Variants in MAST4 observed in about 807,000 individuals in gnomAD.
MAST4 encodes microtubule associated serine/threonine kinase family member 4.
Under a neutral mutation model 162.7 loss-of-function variants are expected in MAST4, and 89 were observed. The ratio of observed to expected loss-of-function variants is 0.55; its 90% CI spans 0.46 to 0.65. The LOEUF is 0.65. Among genes scored for constraint, MAST4 ranks in the 30% least tolerant of loss-of-function variants. The pLI is 0.00. For synonymous variants in MAST4, 1,479 were observed against 1,361.1 expected (o/e 1.09, Z -1.91); for missense variants, 3,153 against 3,374.0 (o/e 0.93, Z 1.62).
intron 1 of MAST4, among the ~76,000 whole-genome samples, chr5:66,651,711 T>A (rs1746231972): frequency 6.6e-6 from 1 of 152,158 alleles, no homozygotes; most frequent in African/African-American, 2.4e-5. Context: ...TGGCCTCAAC[T>A]CTTTCACAGC....
At chr5:66,947,037 G>T (rs1744111472) in intron 4 of MAST4, among the ~76,000 whole-genome samples, 1 of 152,130 alleles carries the variant, frequency 6.6e-6, no homozygotes, top group African/African-American at 2.4e-5. Context: ...GCTTGATTAT[G>T]GTCCAGTATT....
chr5:66,951,246 A>G (rs1055451390), intron 4 of MAST4, among the ~76,000 whole-genome samples: 1 of 152,226 alleles, frequency 6.6e-6, no homozygotes, highest in African/African-American at 2.4e-5. Flanking sequence ...TTGTAGCACA[A>G]GTGATGGAAT....
At chr5:67,076,790 A>T (rs1761703715) in intron 5 of MAST4, among the ~76,000 whole-genome samples, 1 of 152,222 alleles carries the variant, frequency 6.6e-6, no homozygotes, top group African/African-American at 2.4e-5. Context: ...TTCATGGTTC[A>T]TCATGACATA....
Position 67,095,592 on chromosome 5 carries a change from A to G in MAST4, c.834-5A>G. 1 of 1,605,672 alleles carries G rather than the reference A, an allele frequency of 6.2e-7. No individual in the cohort carries two copies. Among genetic ancestry groups the G allele is most frequent in the Non-Finnish European group, 8.5e-7 (1 of 1,175,794 alleles). On this transcript the variant is annotated splice_region_variant and splice_polypyrimidine_tract_variant and intron_variant, in intron 6 of 28. Coordinates refer to ENST00000403625, the MANE Select transcript of MAST4 (RefSeq NM_001164664.2). ...TGGCCTAAGCTAAACTCACTTTCTC[A>G]ATAGGACTGATGGACGCCGCTGGTC...
intron 1 of MAST4, among the ~76,000 whole-genome samples, chr5:66,737,327 C>T (rs955226083): frequency 6.6e-6 from 1 of 152,154 alleles, no homozygotes; most frequent in Non-Finnish European, 1.5e-5. Context: ...TGCTGAGTGT[C>T]CTTGTGTTGT....
intron 1 of MAST4, among the ~76,000 whole-genome samples, chr5:66,654,017 A>G (rs1330388115): frequency 6.6e-6 from 1 of 152,226 alleles, no homozygotes; most frequent in East Asian, 1.9e-4. Context: ...ACTGTACCAG[A>G]CATTCAGCCT....
intron 1 of MAST4, among the ~76,000 whole-genome samples, chr5:66,643,027 G>A (rs773819600): frequency 1.2e-4 from 18 of 152,118 alleles, no homozygotes; most frequent in African/African-American, 1.9e-4. Flanking sequence ...AACATGGACC[G>A]TTTAATTTCT....
intron 4 of MAST4, among the ~76,000 whole-genome samples, chr5:66,971,695 T>G (rs1175690025): frequency 6.6e-6 from 1 of 152,226 alleles, no homozygotes; most frequent in Non-Finnish European, 1.5e-5. Context: ...CAGTTATCTT[T>G]TTTTAGTAGA....
At chr5:66,689,675 A>G (rs1748911855) in intron 1 of MAST4, among the ~76,000 whole-genome samples, 1 of 152,066 alleles carries the variant, frequency 6.6e-6, no homozygotes, top group South Asian at 2.1e-4. Context: ...TACCTTTTAG[A>G]GTTTGTCTGT....
chr5:66,897,997 A>G (rs936291312), intron 3 of MAST4, among the ~76,000 whole-genome samples: 17 of 152,202 alleles, frequency 1.1e-4, no homozygotes, highest in African/African-American at 3.6e-4. Context: ...ATTTGCATAT[A>G]TAGTTGAAAT....
intron 5 of MAST4, among the ~76,000 whole-genome samples, chr5:67,061,952 C>T (rs1759663296): frequency 6.6e-6 from 1 of 152,138 alleles, no homozygotes; most frequent in African/African-American, 2.4e-5. Context: ...TTGACTGATA[C>T]ACACACCTTT....
intron 1 of MAST4, among the ~76,000 whole-genome samples, chr5:66,717,331 T>A (rs993936053): frequency 4.6e-5 from 7 of 152,240 alleles, no homozygotes; most frequent in African/African-American, 1.7e-4. Flanking sequence ...CTATGGTTTT[T>A]AAAACATTTC....
intron 1 of MAST4, among the ~76,000 whole-genome samples, chr5:66,711,118 T>C (rs1246067683): frequency 6.6e-6 from 1 of 152,240 alleles, no homozygotes; most frequent in Admixed American, 6.5e-5. Flanking sequence ...TCTTGCTTCA[T>C]CTACCAAATG....
At position 66,904,635 on chromosome 5, in the gene MAST4, T is replaced by G. The variant is rs1260031168; in HGVS notation, c.674+4653T>G. On this transcript the variant is annotated intron_variant, in intron 4 of 28. Transcript: ENST00000403625. ...AAGCAGTGAATGACACTTGGCAGTT[T>G]CTTAGCTTTAAGTTCTCTGGCCACA... Among the ~76,000 whole-genome samples, 9 of 152,248 alleles carry G rather than the reference T, an allele frequency of 5.9e-5. No individual in the cohort carries two copies. In the East Asian group the frequency reaches 1.5e-3, roughly 26 times the overall value.
At chr5:67,086,128 A>G (rs1349831301) in intron 5 of MAST4, among the ~76,000 whole-genome samples, 1 of 152,222 alleles carries the variant, frequency 6.6e-6, no homozygotes, top group Admixed American at 6.5e-5. Context: ...AATGACAACA[A>G]AGATTCAAAT....
chr5:66,804,883 G>A (rs998706298), intron 3 of MAST4, among the ~76,000 whole-genome samples: 5 of 152,114 alleles, frequency 3.3e-5, no homozygotes, highest in African/African-American at 1.2e-4. Context: ...GATTATTTAA[G>A]TTTGAAAATT....
intron 1 of MAST4, among the ~76,000 whole-genome samples, chr5:66,599,919 G>C (rs900463545): frequency 3.3e-5 from 2 of 59,982 alleles, no homozygotes; most frequent in Non-Finnish European, 5.2e-5. Context: ...TTCTAAAGGG[G>C]TGTGTGTGTG....
At chr5:67,082,937 G>A (rs990800396) in intron 5 of MAST4, among the ~76,000 whole-genome samples, 1 of 152,216 alleles carries the variant, frequency 6.6e-6, no homozygotes, top group East Asian at 1.9e-4. Flanking sequence ...AAAAAGGGAG[G>A]TTGGGATAGG....
At chr5:66,950,208 A>C (rs550483813) in intron 4 of MAST4, among the ~76,000 whole-genome samples, 16 of 151,410 alleles carry the variant, frequency 1.1e-4, no homozygotes, top group Non-Finnish European at 2.2e-4. Context: ...TCATAGGGTA[A>C]GTAAACTAGT....
Sources: allele counts gnomAD v4.1 joint callset (sites outside exome capture counted in the v4.1 genomes callset), GRCh38; gene constraint gnomAD v4.1.1; transcripts MANE v1.5; gene names NCBI Gene and HGNC (gene_info 2026-07-23, HGNC 2026-07-21).